Variants in ARHGEF10 observed in about 807,000 individuals in gnomAD.
ARHGEF10 encodes the protein Rho guanine nucleotide exchange factor 10, also known as Rho guanine nucleotide exchange factor (GEF) 10.
ARHGEF10 carries 140 observed loss-of-function variants against 147.4 expected under a neutral mutation model. That is an observed-to-expected ratio of 0.95 (90% CI 0.83 to 1.09). The LOEUF (loss-of-function observed/expected upper bound fraction) is 1.09, where lower values mean the gene tolerates loss of function less well. Among genes scored for constraint, ARHGEF10 ranks in the 50% least tolerant of loss-of-function variants. The pLI is 0.00. For missense variants in ARHGEF10, 2,222 were observed against 1,752.7 expected (o/e 1.27, Z -4.78); for synonymous variants, 902 against 695.8 (o/e 1.30, Z -4.67).
intron 26 of ARHGEF10, among the ~76,000 whole-genome samples, chr8:1,940,265 G>C (rs1390745638): frequency 6.6e-6 from 1 of 152,168 alleles, no homozygotes; most frequent in East Asian, 1.9e-4. Flanking sequence ...GCCCCAAACA[G>C]TTTTCCAGGG....
intron 23 of ARHGEF10, among the ~76,000 whole-genome samples, chr8:1,928,085 A>C (rs1371741675): frequency 2.0e-5 from 3 of 152,244 alleles, no homozygotes; most frequent in Non-Finnish European, 4.4e-5. Context: ...TTAAGTTATT[A>C]AAATTGATAA....
In ARHGEF10 at chr8:1,937,153, T is replaced by G. The variant is rs1813683694; in HGVS notation, c.3222+3211T>G. ...GGAGGTTGGGGTACATGTTAGATGATTTTTGGCAGTATTGTTCCTGTTACT... is the reference window on the plus strand; with the variant it reads ...GGAGGTTGGGGTACATGTTAGATGAGTTTTGGCAGTATTGTTCCTGTTACT... On this transcript the variant is annotated intron_variant, in intron 26 of 28. Transcript: ENST00000349830. This position sits in a 1 kb window ranked among gnomAD's most constrained non-coding sequence, Gnocchi z 4.9. Among the ~76,000 whole-genome samples, 3 of 152,174 alleles carry G rather than the reference T, an allele frequency of 2.0e-5. No homozygotes were observed. The highest frequency in any genetic ancestry group is 4.8e-5 in the African/African-American group (2 of 41,432).
intron 14 of ARHGEF10, 76 bp from the exon 15 acceptor site, chr8:1,898,357 G>C (rs1810180058): frequency 1.6e-6 from 2 of 1,284,072 alleles, no homozygotes; most frequent in South Asian, 2.4e-5. Context: ...TCAGTGTGGT[G>C]GGGAGGAGGC....
chr8:1,879,667 C>T (rs943537216), intron 8 of ARHGEF10, among the ~76,000 whole-genome samples: 5 of 152,024 alleles, frequency 3.3e-5, no homozygotes, highest in African/African-American at 9.7e-5. Context: ...ATTCGCCCAC[C>T]TCAGCCTCCT....
At chr8:1,873,787 G>A (rs984501506) in intron 7 of ARHGEF10, among the ~76,000 whole-genome samples, 1 of 152,184 alleles carries the variant, frequency 6.6e-6, no homozygotes, top group African/African-American at 2.4e-5. Context: ...TTTAGAGTTC[G>A]GGGCTCTCAG....
At chr8:1,847,270 C>G (rs999218796) in intron 2 of ARHGEF10, among the ~76,000 whole-genome samples, 1 of 152,132 alleles carries the variant, frequency 6.6e-6, no homozygotes, top group Non-Finnish European at 1.5e-5. Flanking sequence ...AAAACAGAAC[C>G]CCTCTCATAA....
At chr8:1,894,261 G>T (rs979777576) in intron 12 of ARHGEF10, 132 bp from the exon 13 acceptor site, 3 of 860,064 alleles carry the variant, frequency 3.5e-6, no homozygotes, top group African/African-American at 1.7e-5. Context: ...GAGGTGGGAG[G>T]ATGGCTTGAG....
intron 17 of ARHGEF10, among the ~76,000 whole-genome samples, chr8:1,907,115 G>C (rs1810959161): frequency 6.6e-6 from 1 of 152,228 alleles, no homozygotes; most frequent in African/African-American, 2.4e-5. Context: ...AGAACTCCAG[G>C]TGTGGGCTGC....
chr8:1,868,098 A>G (rs1479149183), intron 6 of ARHGEF10, among the ~76,000 whole-genome samples: 1 of 152,246 alleles, frequency 6.6e-6, no homozygotes, highest in Non-Finnish European at 1.5e-5. Flanking sequence ...CTAAACTAGC[A>G]GTCTCTGAAC....
intron 15 of ARHGEF10, 22 bp downstream of exon 15, chr8:1,898,547 C>G: frequency 6.2e-7 from 1 of 1,606,970 alleles, no homozygotes; most frequent in Non-Finnish European, 8.5e-7. Flanking sequence ...ACGGAGACCT[C>G]CTCAAGCTAG....
At chr8:1,936,184 G>A (rs1346037706) in intron 26 of ARHGEF10, among the ~76,000 whole-genome samples, 5 of 152,290 alleles carry the variant, frequency 3.3e-5, no homozygotes, top group African/African-American at 9.6e-5. Context: ...TAACACAGGT[G>A]TGTTTTCACC....
Position 1,880,171 on chromosome 8 carries a change from T to G in ARHGEF10, c.960+7T>G, listed in dbSNP as rs759405010. ...GCAGAAGCATGAACTGAAGGTAGAG[T>G]CTTGCCCCCGGCCGCTGCCCCCACT... On this transcript the variant is annotated splice_region_variant and intron_variant, in intron 9 of 28. Transcript: ENST00000349830. 5.0e-6 allele frequency: 8 copies of G among 1,604,890 alleles called. No homozygotes were observed. The highest frequency in any genetic ancestry group is 6.8e-6 in the Non-Finnish European group (8 of 1,172,230).
At chr8:1,922,049 C>T (rs1812333817) in intron 18 of ARHGEF10, among the ~76,000 whole-genome samples, 1 of 152,178 alleles carries the variant, frequency 6.6e-6, no homozygotes, top group Non-Finnish European at 1.5e-5. Flanking sequence ...TCAAATCCTT[C>T]TCATCTGTCA....
intron 11 of ARHGEF10, among the ~76,000 whole-genome samples, chr8:1,891,268 G>T (rs904050147): frequency 6.6e-6 from 1 of 152,178 alleles, no homozygotes; most frequent in Non-Finnish European, 1.5e-5. Context: ...TGCCAAATGT[G>T]TTGTCCATGA....
At chr8:1,927,939 C>CA (rs897519027) in intron 23 of ARHGEF10, among the ~76,000 whole-genome samples, 6 of 149,420 alleles carry the variant, frequency 4.0e-5, no homozygotes, top group South Asian at 2.1e-4. Flanking sequence ...AGACTGTCTC[C>CA]AAAAAAAAGA....
chr8:1,862,710 C>T (rs570464724), intron 4 of ARHGEF10, among the ~76,000 whole-genome samples: 1 of 152,292 alleles, frequency 6.6e-6, no homozygotes, highest in East Asian at 1.9e-4. Flanking sequence ...TGCCTTTGTC[C>T]CTCTGCAAAA....
rs1191495371 is a variant in ARHGEF10 at position 1,858,101 on chromosome 8, C to A, written c.179C>A (p.Ala60Asp). 6.2e-7 allele frequency: 1 copy of A among 1,613,880 alleles called. No individual in the cohort carries two copies. Among genetic ancestry groups the A allele is most frequent in the African/African-American group, 1.3e-5 (1 of 75,034 alleles). ...ACAGGAGGTGCTGGAGCCAGTGAAG[C>A]CCCTGCACCCACAGGTGAGTTTCCA... The part of the protein sequence containing the change: ...PETGGAGASE[A>D]PAPTGGEDGA... The change falls in exon 3 of 29, where the codon GCC (alanine) becomes GAC (aspartate). Residue 60 changes from alanine (A) to aspartate (D), a missense_variant. Transcript: ENST00000349830.
chr8:1,826,447 CGT>C (rs1213939371), intron 1 of ARHGEF10, among the ~76,000 whole-genome samples: 5 of 151,108 alleles, frequency 3.3e-5, no homozygotes, highest in South Asian at 2.1e-4. Context: ...TGTGTGTGCG[CGT>C]GTGTGAGTTG....
At chr8:1,928,717 C>A in intron 24 of ARHGEF10, 67 bp downstream of exon 24, 1 of 1,558,226 alleles carries the variant, frequency 6.4e-7, no homozygotes, top group Non-Finnish European at 8.8e-7. Flanking sequence ...GGTGGGGAGC[C>A]TGTCCTGGAA....
Sources: gnomAD v4.1 joint callset for allele counts (sites outside exome capture counted in the v4.1 genomes callset) on GRCh38, gnomAD v4.1.1 for gene constraint, Gnocchi (gnomAD v3.1) non-coding constraint, MANE v1.5 for transcripts, NCBI Gene and HGNC (gene_info 2026-07-23, HGNC 2026-07-21) for gene names.